SCLY: variants seen among roughly 807,000 people sequenced by gnomAD.
SCLY encodes selenocysteine lyase.
In SCLY, 38 loss-of-function variants were observed where a neutral mutation model predicts 50.1. That is an observed-to-expected ratio of 0.76 (90% CI 0.59 to 0.99). The LOEUF (loss-of-function observed/expected upper bound fraction) is 0.99, where lower values mean the gene tolerates loss of function less well. SCLY is among the 50% of genes least tolerant of loss of function. The pLI, the probability that SCLY is intolerant of heterozygous loss-of-function variation, is 0.00. For synonymous variants in SCLY, 243 were observed against 249.4 expected (o/e 0.97, Z 0.24); for missense variants, 600 against 620.0 (o/e 0.97, Z 0.34).
At chr2:238,071,308 T>C (rs2065125013) in intron 4 of SCLY, among the ~76,000 whole-genome samples, 1 of 152,164 alleles carries the variant, frequency 6.6e-6, no homozygotes, top group Admixed American at 6.5e-5. Flanking sequence ...TATAGAAAAG[T>C]ATAAAGTAAA....
chr2:238,077,203 A>G (rs1332060064), intron 4 of SCLY, among the ~76,000 whole-genome samples: 3 of 152,142 alleles, frequency 2.0e-5, no homozygotes, highest in Non-Finnish European at 4.4e-5. Flanking sequence ...TATATTTGTT[A>G]TATATTATGG....
Position 238,069,642 on chromosome 2 carries a change from G to C in SCLY, c.484+165G>C, listed in dbSNP as rs762593272. 1 of 618,018 alleles carries C rather than the reference G, an allele frequency of 1.6e-6. No individual in the cohort carries two copies. The highest frequency in any genetic ancestry group is 2.6e-6 in the Non-Finnish European group (1 of 382,212). 38.3% of individuals were successfully genotyped at this position (618,018 alleles called of 1,614,324 possible). A position where few individuals can be genotyped will look rare whatever the true frequency, so the allele number is the denominator to read the frequency against. ...TGAGGAGGCAGGCCCTGGCACCTTGGTGAATAGTTGCCCCTCACTGCACTG... is the reference window on the plus strand; with the variant it reads ...TGAGGAGGCAGGCCCTGGCACCTTGCTGAATAGTTGCCCCTCACTGCACTG... On this transcript the variant is annotated intron_variant, in intron 4 of 11. Transcript: ENST00000254663. This position sits in a 1 kb window ranked among gnomAD's most constrained non-coding sequence, Gnocchi z 5.0.
At chr2:238,097,749 G>A (rs374999393) in intron 11 of SCLY, among the ~76,000 whole-genome samples, 37 of 152,198 alleles carry the variant, frequency 2.4e-4, no homozygotes, top group African/African-American at 6.3e-4. Context: ...ATGTCCCCAC[G>A]CAGTCATCTG....
chr2:238,063,266 T>C (rs1415911367), intron 1 of SCLY, among the ~76,000 whole-genome samples: 3 of 151,512 alleles, frequency 2.0e-5, no homozygotes, highest in African/African-American at 7.3e-5. Flanking sequence ...GTTTTTTTTT[T>C]TTTTGAGACG....
At chr2:238,084,293 G>A (rs1313428337) in intron 7 of SCLY, among the ~76,000 whole-genome samples, 1 of 152,188 alleles carries the variant, frequency 6.6e-6, no homozygotes, top group Admixed American at 6.5e-5. Context: ...CATCAGCCAA[G>A]TAAAAAATCT....
chr2:238,079,028 T>G (rs896859335), intron 4 of SCLY: 2 of 151,456 alleles, frequency 1.3e-5, no homozygotes, highest in Non-Finnish European at 2.9e-5. Context: ...TGTCTTTTCT[T>G]TCTTTCCTTC....
At chr2:238,081,952 T>G in intron 5 of SCLY, 93 bp from the exon 6 acceptor site, 2 of 1,575,534 alleles carry the variant, frequency 1.3e-6, no homozygotes, top group Non-Finnish European at 8.7e-7. Flanking sequence ...TTCACTTTGA[T>G]AACATTTGGC....
intron 7 of SCLY, among the ~76,000 whole-genome samples, chr2:238,087,829 C>T (rs112138097): frequency 0.026 from 3,920 of 152,238 alleles, 168 homozygotes; most frequent in African/African-American, 0.09. Flanking sequence ...GTGGTTCACG[C>T]GTGTAATCCC....
rs1411857183 is a variant in SCLY at position 238,066,787 on chromosome 2, G to T, written c.203-1278G>T. The stretch of plus-strand genomic sequence containing the variant: ...ATGCTGCTAATGAAGATGTACCTGA[G>T]ACTGGGTAATTTATAAAGGAAAGAG... On this transcript the variant is annotated intron_variant, in intron 2 of 11. Coordinates refer to ENST00000254663, the MANE Select transcript of SCLY (RefSeq NM_016510.7). The surrounding 1 kb of genome is among the most constrained non-coding windows in gnomAD (Gnocchi z 4.1). Among the ~76,000 whole-genome samples, 1 of 152,200 alleles carries T rather than the reference G, an allele frequency of 6.6e-6. No individual in the cohort carries two copies. Among genetic ancestry groups the T allele is most frequent in the East Asian group, 1.9e-4 (1 of 5,200 alleles).
chr2:238,083,331 A>G lies in SCLY; in HGVS notation c.861A>G (p.Gly287=), dbSNP rs1455318614. 1 of 1,613,126 alleles carries G rather than the reference A, an allele frequency of 6.2e-7. No individual in the cohort carries two copies. Among genetic ancestry groups the G allele is most frequent in the Non-Finnish European group, 8.5e-7 (1 of 1,179,128 alleles). The change falls in exon 7 of 12, where the codon GGA becomes GGG. Residue 287 remains glycine, a synonymous_variant. Transcript: ENST00000254663. This position sits in a 1 kb window ranked among gnomAD's most constrained non-coding sequence, Gnocchi z 4.3. Reference sequence around the variant, plus strand: ...TCTACCCTATGCTATTTGGAGGTGGACAAGAACGGAATTTCAGGCCAGGGT... The same window carrying G: ...TCTACCCTATGCTATTTGGAGGTGGGCAAGAACGGAATTTCAGGCCAGGGT... ...TPLYPMLFGG[G]QERNFRPGTE... is the part of the protein sequence containing the mutation.
chr2:238,091,550 C>CT, intron 8 of SCLY: 22 of 408,612 alleles, frequency 5.4e-5, no homozygotes, highest in Admixed American at 1.1e-4. Context: ...GCAGGTTCAC[C>CT]ATTCCCAAAG....
intron 7 of SCLY, 114 bp from the exon 8 acceptor site, chr2:238,091,104 C>G (rs1054984130): frequency 3.0e-6 from 3 of 1,006,334 alleles, no homozygotes; most frequent in Non-Finnish European, 4.7e-6. Flanking sequence ...ATGGCGCGTG[C>G]TTAGGAAAGA....
intron 3 of SCLY, among the ~76,000 whole-genome samples, chr2:238,068,639 G>C (rs117901973): frequency 1.3e-5 from 2 of 152,160 alleles, no homozygotes; most frequent in East Asian, 3.8e-4. Context: ...CCAGGTAGCC[G>C]ATAGGATTTT....
At chr2:238,081,970 C>T in intron 5 of SCLY, 75 bp from the exon 6 acceptor site, 1 of 1,580,868 alleles carries the variant, frequency 6.3e-7, no homozygotes, top group Non-Finnish European at 8.6e-7. Flanking sequence ...GGCCTGCGCT[C>T]ACTACTCCTG....
chr2:238,084,132 C>T (rs1326776726), intron 7 of SCLY, among the ~76,000 whole-genome samples: 1 of 152,188 alleles, frequency 6.6e-6, no homozygotes, highest in Non-Finnish European at 1.5e-5. Context: ...CAGGCTGTAA[C>T]AAGGTATCCC....
intron 4 of SCLY, among the ~76,000 whole-genome samples, chr2:238,078,273 C>T (rs2065194056): frequency 6.6e-6 from 1 of 152,104 alleles, no homozygotes; most frequent in South Asian, 2.1e-4. Context: ...TAAATCTAGT[C>T]TGACAGCCTC....
Position 238,068,085 on chromosome 2 carries a change from AT to A in SCLY, c.224del (p.Ile75LysfsTer11). 6.2e-7 allele frequency: 1 copy of A among 1,612,902 alleles called. No individual in the cohort carries two copies. The highest frequency in any genetic ancestry group is 1.1e-5 in the South Asian group (1 of 90,648). On this transcript the variant is annotated frameshift_variant, in exon 3 of 12. Transcript: ENST00000254663. LOFTEE classifies it high-confidence loss of function. ...YSAGRKAKDI[I>X]NAARESLAKM... ...TCAAGGAAGAAAGGCCAAGGATATT[AT>A]AAATGCAGCTCGGGAAAGCCTCGCG... is the stretch of plus-strand genomic sequence containing the variant.
At chr2:238,081,125 G>A (rs931147375) in intron 4 of SCLY, 1 of 152,444 alleles carries the variant, frequency 6.6e-6, no homozygotes, top group African/African-American at 2.4e-5. Context: ...GATACCCTTT[G>A]TTGGTGTTGT....
chr2:238,072,026 A>C (rs967229226), intron 4 of SCLY, among the ~76,000 whole-genome samples: 3 of 152,274 alleles, frequency 2.0e-5, no homozygotes, highest in Non-Finnish European at 4.4e-5. Flanking sequence ...CCAGCCCCAA[A>C]AGAAACCTTG....
Sources: gnomAD v4.1 joint callset for allele counts (sites outside exome capture counted in the v4.1 genomes callset) on GRCh38, gnomAD v4.1.1 for gene constraint, Gnocchi (gnomAD v3.1) non-coding constraint, MANE v1.5 for transcripts, NCBI Gene and HGNC (gene_info 2026-07-23, HGNC 2026-07-21) for gene names.